The following GPC6 variants were observed in gnomAD, a reference collection of about 807,000 sequenced individuals.
The protein encoded by GPC6 is glypican-6.
In GPC6, 14 loss-of-function variants were observed where a neutral mutation model predicts 55.2. The observed-to-expected ratio is 0.25, with a 90% confidence interval of 0.17 to 0.40. The LOEUF (loss-of-function observed/expected upper bound fraction) is 0.40, where lower values mean the gene tolerates loss of function less well. Among genes scored for constraint, GPC6 ranks in the 10% least tolerant of loss-of-function variants. GPC6 has a pLI of 1.00. For synonymous variants in GPC6, 278 were observed against 259.6 expected (o/e 1.07, Z -0.68); for missense variants, 641 against 708.5 (o/e 0.90, Z 1.08).
intron 3 of GPC6, among the ~76,000 whole-genome samples, chr13:93,967,954 GCA>G (rs1880120260): frequency 6.6e-6 from 1 of 152,094 alleles, no homozygotes; most frequent in Non-Finnish European, 1.5e-5. Flanking sequence ...AATCCCGTGG[GCA>G]TTGACTCAGT....
At chr13:94,036,882 A>C (rs540222514) in intron 4 of GPC6, among the ~76,000 whole-genome samples, 1 of 152,074 alleles carries the variant, frequency 6.6e-6, no homozygotes, top group South Asian at 2.1e-4. Context: ...TCGTTCAACT[A>C]AACAGCTCTT....
intron 3 of GPC6, among the ~76,000 whole-genome samples, chr13:93,863,749 G>A (rs1221830466): frequency 1.3e-5 from 2 of 151,600 alleles, no homozygotes; most frequent in Non-Finnish European, 3.0e-5. Flanking sequence ...CAATACCAGA[G>A]TACAGTTTAT....
At chr13:93,960,105 C>A (rs924067890) in intron 3 of GPC6, among the ~76,000 whole-genome samples, 4 of 152,184 alleles carry the variant, frequency 2.6e-5, no homozygotes, top group Non-Finnish European at 5.9e-5. Context: ...ATCTCTTCAA[C>A]TTCGAGCAAC....
intron 4 of GPC6, among the ~76,000 whole-genome samples, chr13:94,275,559 A>G (rs1892176171): frequency 1.3e-5 from 2 of 152,284 alleles, no homozygotes; most frequent in South Asian, 4.1e-4. Flanking sequence ...AGACTGAGGG[A>G]ATGTAAACAA....
intron 2 of GPC6, among the ~76,000 whole-genome samples, chr13:93,729,718 A>G (rs561958223): frequency 6.6e-6 from 1 of 152,322 alleles, no homozygotes; most frequent in Admixed American, 6.5e-5. Context: ...AGTTCTAGAT[A>G]TATACTCAAC....
At chr13:93,499,639 T>C (rs1251767455) in intron 1 of GPC6, among the ~76,000 whole-genome samples, 1 of 152,192 alleles carries the variant, frequency 6.6e-6, no homozygotes, top group Non-Finnish European at 1.5e-5. Flanking sequence ...AATGAAAATC[T>C]GGACAAAGTT....
intron 4 of GPC6, among the ~76,000 whole-genome samples, chr13:94,253,166 A>G (rs188918888): frequency 6.6e-6 from 1 of 152,278 alleles, no homozygotes; most frequent in African/African-American, 2.4e-5. Flanking sequence ...TATGTTCAAC[A>G]TATAATCTCT....
At chr13:93,883,959 T>G (rs1566585354) in intron 3 of GPC6, among the ~76,000 whole-genome samples, 1 of 152,180 alleles carries the variant, frequency 6.6e-6, no homozygotes, top group Non-Finnish European at 1.5e-5. Flanking sequence ...TGATAAAGCA[T>G]AGGCTAAACT....
At chr13:93,675,635 CA>C (rs1378011983) in intron 2 of GPC6, among the ~76,000 whole-genome samples, 1 of 152,084 alleles carries the variant, frequency 6.6e-6, no homozygotes, top group African/African-American at 2.4e-5. Context: ...TATCTGGAAA[CA>C]TTTCAGACAT....
chr13:93,683,075 T>G (rs1044677130), intron 2 of GPC6, among the ~76,000 whole-genome samples: 1 of 152,068 alleles, frequency 6.6e-6, no homozygotes, highest in African/African-American at 2.4e-5. Flanking sequence ...TATTAAATCC[T>G]TAATTTCCAT....
At chr13:93,873,229 A>T (rs1889185256) in intron 3 of GPC6, among the ~76,000 whole-genome samples, 1 of 151,976 alleles carries the variant, frequency 6.6e-6, no homozygotes, top group African/African-American at 2.4e-5. Context: ...TAGAAAGCTT[A>T]AACATTGGAA....
intron 2 of GPC6, among the ~76,000 whole-genome samples, chr13:93,805,091 A>G (rs375793236): frequency 2.0e-5 from 3 of 152,204 alleles, no homozygotes; most frequent in East Asian, 3.8e-4. Context: ...TTAATAGAGA[A>G]ATTGAACCAG....
At chr13:93,496,756 CTG>C (rs1594213768) in intron 1 of GPC6, among the ~76,000 whole-genome samples, 1 of 152,252 alleles carries the variant, frequency 6.6e-6, no homozygotes, top group East Asian at 1.9e-4. Flanking sequence ...TCTGTAAAAA[CTG>C]TGGTAATTTA....
At chr13:94,398,405 ATC>A in intron 7 of GPC6, 59 bp from the exon 8 acceptor site, 1 of 1,252,518 alleles carries the variant, frequency 8.0e-7, no homozygotes, top group Non-Finnish European at 1.2e-6. Flanking sequence ...GCATGGCAGC[ATC>A]TGGTTTTACA....
intron 3 of GPC6, among the ~76,000 whole-genome samples, chr13:93,911,474 A>G (rs988471481): frequency 6.6e-6 from 1 of 152,032 alleles, no homozygotes; most frequent in African/African-American, 2.4e-5. Flanking sequence ...AATCACAAGG[A>G]TATGTAGTCA....
chr13:94,349,521 T>C (rs1162867735), intron 6 of GPC6, among the ~76,000 whole-genome samples: 1 of 152,188 alleles, frequency 6.6e-6, no homozygotes, highest in East Asian at 1.9e-4. Flanking sequence ...CTTCATAGCA[T>C]CAAGTTCAAT....
chr13:94,229,122 G>A (rs1010613368), intron 4 of GPC6, among the ~76,000 whole-genome samples: 3 of 152,172 alleles, frequency 2.0e-5, no homozygotes, highest in African/African-American at 7.2e-5. Flanking sequence ...ACATCAGTCC[G>A]AATTATGCTC....
At chr13:93,460,059 G>A (rs1018771186) in intron 1 of GPC6, among the ~76,000 whole-genome samples, 2 of 152,162 alleles carry the variant, frequency 1.3e-5, no homozygotes, top group Non-Finnish European at 2.9e-5. Flanking sequence ...TCTCCATTGT[G>A]AGGCTGAAAT....
intron 1 of GPC6, among the ~76,000 whole-genome samples, chr13:93,452,779 A>G (rs1244472757): frequency 1.3e-5 from 2 of 152,242 alleles, no homozygotes; most frequent in East Asian, 1.9e-4. Flanking sequence ...TATATTACAT[A>G]TGGGCTAATG....
Sources: gnomAD v4.1 joint callset for allele counts (sites outside exome capture counted in the v4.1 genomes callset) on GRCh38, gnomAD v4.1.1 for gene constraint, MANE v1.5 for transcripts, NCBI Gene and HGNC (gene_info 2026-07-23, HGNC 2026-07-21) for gene names.